The following GC variants were observed in gnomAD, a reference collection of about 807,000 sequenced individuals.
The protein encoded by GC is GC vitamin D binding protein.
GC carries 43 observed loss-of-function variants against 56.7 expected under a neutral mutation model. That is an observed-to-expected ratio of 0.76 (90% CI 0.59 to 0.98). The LOEUF (loss-of-function observed/expected upper bound fraction) is 0.98. Ranked by LOEUF, GC falls within the 50% of genes least tolerant of loss-of-function variation. The probability of loss-of-function intolerance (pLI) is 0.00; values close to 1 mark genes in which losing one functional copy is unlikely to be tolerated. For missense variants in GC, 529 were observed against 545.9 expected (o/e 0.97, Z 0.31); for synonymous variants, 216 against 202.7 (o/e 1.07, Z -0.56).
At chr4:71,781,577 A>T (rs890811098) in intron 1 of GC, among the ~76,000 whole-genome samples, 6 of 151,808 alleles carry the variant, frequency 4.0e-5, no homozygotes, top group African/African-American at 1.4e-4. Context: ...AGTTAAAAAA[A>T]AATTTTATAG....
intron 7 of GC, 143 bp downstream of exon 7, chr4:71,757,896 TTAA>T: frequency 1.6e-6 from 1 of 629,118 alleles, no homozygotes. Flanking sequence ...TACAGTGATG[TTAA>T]TAATTATTTA....
chr4:71,793,177 T>C (rs1020318944), intron 1 of GC, among the ~76,000 whole-genome samples: 1 of 152,088 alleles, frequency 6.6e-6, no homozygotes, highest in African/African-American at 2.4e-5. Context: ...CTTTAAAGTG[T>C]TTTTTTCCAA....
At chr4:71,780,340 TA>T (rs201574285) in intron 1 of GC, among the ~76,000 whole-genome samples, 167 of 152,186 alleles carry the variant, frequency 1.1e-3, no homozygotes, top group African/African-American at 3.8e-3. Flanking sequence ...ACTTCATGTC[TA>T]AAACACCAAA....
upstream of GC, among the ~76,000 whole-genome samples, chr4:71,804,402 C>G (rs960881598): frequency 2.0e-5 from 3 of 152,104 alleles, no homozygotes; most frequent in Non-Finnish European, 2.9e-5. Context: ...GGGCCCTGTT[C>G]CCAAAGATTA....
chr4:71,791,863 T>G, intron 1 of GC, among the ~76,000 whole-genome samples: 1 of 152,162 alleles, frequency 6.6e-6, no homozygotes, highest in Non-Finnish European at 1.5e-5. Context: ...CCCCGCCCTG[T>G]GTCCAAGTGT....
At chr4:71,800,960 T>G (rs1743234104) in intron 1 of GC, among the ~76,000 whole-genome samples, 1 of 152,016 alleles carries the variant, frequency 6.6e-6, no homozygotes, top group African/African-American at 2.4e-5. Flanking sequence ...ACCAAAAGAA[T>G]GAATATCAAA....
chr4:71,781,369 A>G (rs1742673880), intron 1 of GC, among the ~76,000 whole-genome samples: 1 of 152,030 alleles, frequency 6.6e-6, no homozygotes, highest in Non-Finnish European at 1.5e-5. Flanking sequence ...CATGTACCCT[A>G]GAACTTAAAG....
In GC at chr4:71,751,276, C is replaced by T. The variant is rs143559418; in HGVS notation, c.1395+1242G>A. On this transcript the variant is annotated intron_variant, in intron 11 of 12. Transcript: ENST00000273951. Reference sequence around the variant, plus strand: ...TCTTAGCATAAGACACTTGAAATCTCAGAAGTCGAAGCATAGCTCAGGTCT... The same window carrying T: ...TCTTAGCATAAGACACTTGAAATCTTAGAAGTCGAAGCATAGCTCAGGTCT... 6.8e-3 allele frequency among the ~76,000 whole-genome samples: 1,031 copies of T among 152,228 alleles called. 15 individuals carry two copies. Among genetic ancestry groups the T allele is most frequent in the South Asian group, 0.062 (298 of 4,820 alleles).
intron 6 of GC, 126 bp from the exon 7 acceptor site, chr4:71,758,297 A>C: frequency 1.3e-6 from 1 of 743,646 alleles, no homozygotes; most frequent in Non-Finnish European, 2.2e-6. Context: ...GATGCATGGG[A>C]GCACATCTGC....
rs751073272 is a variant in GC, at chr4:71,768,279, A to G, written c.261+22T>C. On this transcript the variant is annotated intron_variant, in intron 3 of 12. Transcript: ENST00000273951. ...CTTCCTTCTCTGGGCTGCCACAGAG[A>G]CGGCCAGCCACAGAAACCTACCCTG... The G allele has an allele frequency of 2.0e-5, 32 of 1,564,060 alleles. No individual in the cohort carries two copies. In the South Asian group the frequency reaches 3.4e-4, roughly 17 times the overall value.
At chr4:71,769,881 G>A (rs978577117) in intron 1 of GC, among the ~76,000 whole-genome samples, 1 of 152,146 alleles carries the variant, frequency 6.6e-6, no homozygotes, top group African/African-American at 2.4e-5. Flanking sequence ...AGGGGCTGGT[G>A]CCACTAATGC....
At chr4:71,803,662 G>A (rs769078195) in intron 1 of GC, among the ~76,000 whole-genome samples, 7 of 152,076 alleles carry the variant, frequency 4.6e-5, no homozygotes, top group Non-Finnish European at 8.8e-5. Context: ...AGAAAATTTG[G>A]TATAAACTCA....
At position 71,755,024 on chromosome 4, in the gene GC, C is replaced by A. The variant is rs750739005; in HGVS notation, c.1118G>T (p.Gly373Val). 10 of 1,598,536 alleles carry A rather than the reference C, an allele frequency of 6.3e-6. No homozygotes were observed. Among genetic ancestry groups the A allele is most frequent in the Non-Finnish European group, 8.5e-6 (10 of 1,173,380 alleles). Reference sequence around the variant, plus strand: ...TGAGTCTTCAACATCACAGCATTCACCAAGGCTTTTTAGGGTTGGCTCAAG... The same window carrying A: ...TGAGTCTTCAACATCACAGCATTCAACAAGGCTTTTTAGGGTTGGCTCAAG... ...KVLEPTLKSL[G>V]ECCDVEDSTT... The change falls in exon 9 of 13, where the codon GGT becomes GTT. Residue 373 changes from glycine to valine, a missense_variant. Physicochemically the swap from Gly to Val is moderately radical, Grantham distance 109 (BLOSUM62 -3). Coordinates refer to ENST00000273951, the MANE Select transcript of GC (RefSeq NM_000583.4).
At chr4:71,782,047 T>C (rs1209512451) in intron 1 of GC, among the ~76,000 whole-genome samples, 1 of 151,802 alleles carries the variant, frequency 6.6e-6, no homozygotes, top group Non-Finnish European at 1.5e-5. Flanking sequence ...AAGGCATGAA[T>C]TGTGAAACCA....
rs904423685 is a variant in GC, at chr4:71,749,986, G to C, written c.1395+2532C>G. ...AAGGAAGAAATTAGAAAAAGATGTA[G>C]CTCCATTTGTCAAACTAAGACTTTT... is the stretch of plus-strand genomic sequence containing the variant. On this transcript the variant is annotated intron_variant, in intron 11 of 12. Coordinates refer to ENST00000273951, the MANE Select transcript of GC (RefSeq NM_000583.4). Among the ~76,000 whole-genome samples, 8 of 152,048 alleles carry C rather than the reference G, an allele frequency of 5.3e-5. No individual in the cohort carries two copies. In the East Asian group the frequency reaches 1.5e-3, roughly 29 times the overall value.
In GC at chr4:71,763,908, C is replaced by T. The variant is rs371509305; in HGVS notation, c.502G>A (p.Gly168Arg). The part of the protein sequence containing the change: ...QFMWEYSTNY[G>R]QAPLSLLVSY... ...ACTAAAAGTGACAGAGGAGCTTGTC[C>T]GTAATTAGTGGAATATTCCCACATA... The change falls in exon 5 of 13, where the codon GGA (glycine) becomes AGA (arginine). Residue 168 changes from glycine (G) to arginine (R), a missense_variant. Physicochemically the swap from Gly to Arg is moderately radical, Grantham distance 125. Coordinates refer to ENST00000273951, the MANE Select transcript of GC (RefSeq NM_000583.4). 16 of 1,610,932 alleles carry T rather than the reference C, an allele frequency of 9.9e-6. No individual in the cohort carries two copies. The highest frequency in any genetic ancestry group is 1.6e-4 in the Middle Eastern group (1 of 6,078).
intron 1 of GC, among the ~76,000 whole-genome samples, chr4:71,802,060 C>A (rs1296827049): frequency 6.6e-6 from 1 of 152,008 alleles, no homozygotes; most frequent in African/African-American, 2.4e-5. Flanking sequence ...TTTACTATAG[C>A]CTTTAAAACC....
intron 3 of GC, among the ~76,000 whole-genome samples, chr4:71,765,922 A>G (rs72860534): frequency 0.02 from 3,078 of 152,222 alleles, 97 homozygotes; most frequent in African/African-American, 0.07. Context: ...GAGCCATTAG[A>G]ATTGTATTCT....
At chr4:71,776,529 G>T (rs1158503966) in intron 1 of GC, among the ~76,000 whole-genome samples, 1 of 151,840 alleles carries the variant, frequency 6.6e-6, no homozygotes, top group Non-Finnish European at 1.5e-5. Flanking sequence ...AGGAGCTGCT[G>T]GGAAAATAGT....
Sources: allele counts gnomAD v4.1 joint callset (sites outside exome capture counted in the v4.1 genomes callset), GRCh38; gene constraint gnomAD v4.1.1; transcripts MANE v1.5; gene names NCBI Gene and HGNC (gene_info 2026-07-23, HGNC 2026-07-21).